ERBB4: variants seen among roughly 807,000 people sequenced by gnomAD.
ERBB4 encodes the protein erb-b2 receptor tyrosine kinase 4, also known as receptor tyrosine-protein kinase erbB-4.
Under a neutral mutation model 158.0 loss-of-function variants are expected in ERBB4, and 42 were observed. The observed-to-expected ratio is 0.27, with a 90% CI of 0.21 to 0.34. The LOEUF is 0.34. Among genes scored for constraint, ERBB4 ranks in the 10% least tolerant of loss-of-function variants. The probability of loss-of-function intolerance (pLI) is 1.00; values close to 1 mark genes in which losing one functional copy is unlikely to be tolerated. For missense variants in ERBB4, 1,333 were observed against 1,624.1 expected (o/e 0.82, Z 3.08); for synonymous variants, 583 against 558.7 (o/e 1.04, Z -0.61).
chr2:211,861,136 A>ATTTTATATATATATATATAT (rs1164536540), intron 3 of ERBB4, among the ~76,000 whole-genome samples: 1 of 31,682 alleles, frequency 3.2e-5, no homozygotes, highest in Non-Finnish European at 6.5e-5. Context: ...ATATATATAT[A>ATTTTATATATATATATATAT]TATATATATA....
At chr2:212,516,183 G>A (rs1691831994) in intron 1 of ERBB4, among the ~76,000 whole-genome samples, 1 of 151,802 alleles carries the variant, frequency 6.6e-6, no homozygotes, top group Non-Finnish European at 1.5e-5. Flanking sequence ...TTACAAACAT[G>A]TGCAAAATGT....
At chr2:211,590,487 A>ACCCAGATT (rs1345499301) in intron 19 of ERBB4, among the ~76,000 whole-genome samples, 1 of 152,056 alleles carries the variant, frequency 6.6e-6, no homozygotes, top group East Asian at 1.9e-4. Context: ...AACCAGCACC[A>ACCCAGATT]CCCAGATTAA....
chr2:211,991,028 T>C (rs2082063078), intron 2 of ERBB4, among the ~76,000 whole-genome samples: 1 of 152,020 alleles, frequency 6.6e-6, no homozygotes, highest in Non-Finnish European at 1.5e-5. Context: ...ATATAAAATA[T>C]ACTATGGTCA....
chr2:212,440,369 T>G (rs1411597746), intron 1 of ERBB4, among the ~76,000 whole-genome samples: 2 of 152,222 alleles, frequency 1.3e-5, no homozygotes, highest in Non-Finnish European at 2.9e-5. Flanking sequence ...CCATGCTGGA[T>G]GCTTCCTGCC....
intron 1 of ERBB4, among the ~76,000 whole-genome samples, chr2:212,410,747 T>G (rs977037728): frequency 2.6e-5 from 4 of 152,102 alleles, no homozygotes; most frequent in Non-Finnish European, 4.4e-5. Context: ...CCCTTCATAC[T>G]TGTTTCATTT....
chr2:212,265,291 T>C (rs1341844752), intron 1 of ERBB4, among the ~76,000 whole-genome samples: 1 of 152,110 alleles, frequency 6.6e-6, no homozygotes, highest in African/African-American at 2.4e-5. Context: ...ATAAACAAAA[T>C]GAAGCAATCA....
intron 19 of ERBB4, among the ~76,000 whole-genome samples, chr2:211,568,719 C>T (rs1481115608): frequency 1.3e-5 from 2 of 152,034 alleles, no homozygotes; most frequent in East Asian, 1.9e-4. Context: ...TTAATGTAGA[C>T]ATATAAAACT....
chr2:212,458,424 G>C (rs928243591), intron 1 of ERBB4, among the ~76,000 whole-genome samples: 4 of 152,076 alleles, frequency 2.6e-5, no homozygotes, highest in African/African-American at 9.7e-5. Flanking sequence ...GCATGAGAAA[G>C]TGTATCATTT....
In ERBB4 at chr2:211,415,322, C is replaced by T. The variant is rs576219796; in HGVS notation, c.3135+5119G>A. Among the ~76,000 whole-genome samples the T allele has an allele frequency of 1.4e-3, 219 of 151,532 alleles. 1 individual carries two copies. The highest frequency in any genetic ancestry group is 4.7e-3 in the African/African-American group (196 of 41,438). ...TTTTAGTAGAGGCGGGGTTTCACCG[C>T]GTTAGCCAGGATGGTCTCGATCTCC... On this transcript the variant is annotated intron_variant, in intron 25 of 27. Transcript: ENST00000342788.
chr2:211,622,516 T>G (rs2125853658), intron 18 of ERBB4, among the ~76,000 whole-genome samples: 1 of 152,262 alleles, frequency 6.6e-6, no homozygotes, highest in East Asian at 1.9e-4. Context: ...GAGAGAAAAA[T>G]TAAGGTTTAT....
intron 3 of ERBB4, among the ~76,000 whole-genome samples, chr2:211,853,327 A>G (rs2077765482): frequency 6.6e-6 from 1 of 151,942 alleles, no homozygotes; most frequent in Non-Finnish European, 1.5e-5. Context: ...TTTAACTGGG[A>G]ATCCATTCTC....
At chr2:211,606,848 C>T (rs566607452) in intron 19 of ERBB4, among the ~76,000 whole-genome samples, 85 of 152,200 alleles carry the variant, frequency 5.6e-4, no homozygotes, top group Non-Finnish European at 7.4e-5. Context: ...ATTTTAAAGG[C>T]ACTGGGTGCA....
intron 1 of ERBB4, among the ~76,000 whole-genome samples, chr2:212,182,757 C>T (rs1425130303): frequency 1.3e-5 from 2 of 151,578 alleles, no homozygotes; most frequent in Non-Finnish European, 3.0e-5. Context: ...ATTAGACTTG[C>T]TTTGTTTGTT....
chr2:212,311,311 G>A (rs564714515), intron 1 of ERBB4, among the ~76,000 whole-genome samples: 1 of 150,620 alleles, frequency 6.6e-6, no homozygotes, highest in East Asian at 2.0e-4. Flanking sequence ...TATAGAATGA[G>A]ATAAAAGTGA....
At chr2:212,409,514 G>A (rs1461948199) in intron 1 of ERBB4, among the ~76,000 whole-genome samples, 3 of 152,070 alleles carry the variant, frequency 2.0e-5, no homozygotes, top group Admixed American at 6.6e-5. Context: ...CATCACATGT[G>A]TAAGTGAATT....
At chr2:212,379,041 C>G (rs2090419904) in intron 1 of ERBB4, among the ~76,000 whole-genome samples, 1 of 151,364 alleles carries the variant, frequency 6.6e-6, no homozygotes, top group Non-Finnish European at 1.5e-5. Context: ...AGTCCACTTT[C>G]ATTTACCACT....
chr2:212,234,453 G>T (rs1302559993), intron 1 of ERBB4, among the ~76,000 whole-genome samples: 1 of 152,160 alleles, frequency 6.6e-6, no homozygotes, highest in East Asian at 1.9e-4. Context: ...ATATGTGCAT[G>T]TGTCTTTATA....
intron 1 of ERBB4, among the ~76,000 whole-genome samples, chr2:212,202,459 C>T (rs1370625933): frequency 6.6e-6 from 1 of 152,068 alleles, no homozygotes; most frequent in Non-Finnish European, 1.5e-5. Context: ...AGTGATCCTC[C>T]TGTCTCAGCC....
intron 2 of ERBB4, among the ~76,000 whole-genome samples, chr2:212,020,744 A>G (rs1472215565): frequency 6.6e-6 from 1 of 152,088 alleles, no homozygotes; most frequent in Non-Finnish European, 1.5e-5. Flanking sequence ...TACTTTACTG[A>G]TATTTGTCTT....
Sources: gnomAD v4.1 joint callset for allele counts (sites outside exome capture counted in the v4.1 genomes callset) on GRCh38, gnomAD v4.1.1 for gene constraint, MANE v1.5 for transcripts, NCBI Gene and HGNC (gene_info 2026-07-23, HGNC 2026-07-21) for gene names.